Variants in SOX5 observed in about 807,000 individuals in gnomAD.
The protein encoded by SOX5 is SRY-box transcription factor 5.
In SOX5, 9 loss-of-function variants were observed where a neutral mutation model predicts 92.0. The ratio of observed to expected loss-of-function variants is 0.10; its 90% confidence interval spans 0.06 to 0.17. The LOEUF (loss-of-function observed/expected upper bound fraction) is 0.17. Among genes scored for constraint, SOX5 ranks in the 10% least tolerant of loss-of-function variants. SOX5 has a pLI of 1.00. For missense variants in SOX5, 642 were observed against 944.5 expected (o/e 0.68, Z 4.20); for synonymous variants, 344 against 336.3 (o/e 1.02, Z -0.25).
At chr12:24,119,110 T>G (rs1948368318) in intron 4 of SOX5, among the ~76,000 whole-genome samples, 1 of 152,102 alleles carries the variant, frequency 6.6e-6, no homozygotes, top group South Asian at 2.1e-4. Context: ...TAAGTTGGTA[T>G]TTTCTTATTA....
intron 2 of SOX5, among the ~76,000 whole-genome samples, chr12:24,324,012 G>C (rs186733081): frequency 6.6e-6 from 1 of 152,192 alleles, no homozygotes; most frequent in Non-Finnish European, 1.5e-5. Context: ...CAAATTACAA[G>C]GGCAGCTTAG....
chr12:24,103,868 T>G (rs1227611146), intron 4 of SOX5, among the ~76,000 whole-genome samples: 3 of 152,114 alleles, frequency 2.0e-5, no homozygotes, highest in Non-Finnish European at 4.4e-5. Flanking sequence ...GTCTTCTTCC[T>G]GAAAAAAAAT....
chr12:24,246,185 T>G (rs1938656378), intron 3 of SOX5, among the ~76,000 whole-genome samples: 1 of 152,190 alleles, frequency 6.6e-6, no homozygotes, highest in South Asian at 2.1e-4. Context: ...ATAAAATGTC[T>G]TAGTTGTCAC....
intron 4 of SOX5, among the ~76,000 whole-genome samples, chr12:23,972,636 G>A (rs1948473054): frequency 6.6e-6 from 1 of 152,008 alleles, no homozygotes; most frequent in Non-Finnish European, 1.5e-5. Flanking sequence ...TAGGATTACA[G>A]GTATGAGCCA....
chr12:24,331,761 T>C (rs1291162984), intron 2 of SOX5, among the ~76,000 whole-genome samples: 1 of 134,668 alleles, frequency 7.4e-6, no homozygotes, highest in Non-Finnish European at 1.5e-5. Flanking sequence ...GGCACGAGAA[T>C]CCCTTGAGCC....
intron 4 of SOX5, among the ~76,000 whole-genome samples, chr12:24,188,252 GA>G (rs1184555821): frequency 6.6e-6 from 1 of 152,096 alleles, no homozygotes; most frequent in African/African-American, 2.4e-5. Flanking sequence ...AACAAAGGAG[GA>G]AAAGCAAAGT....
chr12:24,077,345 T>C (rs968575355), intron 4 of SOX5, among the ~76,000 whole-genome samples: 16 of 152,112 alleles, frequency 1.1e-4, no homozygotes, highest in African/African-American at 3.4e-4. Flanking sequence ...CTGAAAACCT[T>C]TGGAGACTGG....
At chr12:24,435,563 G>A (rs1481798766) in intron 1 of SOX5, among the ~76,000 whole-genome samples, 2 of 152,140 alleles carry the variant, frequency 1.3e-5, no homozygotes, top group East Asian at 3.8e-4. Context: ...ACAATGTCCT[G>A]CACATAGTTC....
At chr12:23,782,000 A>G (rs1446978039) in intron 3 of SOX5, among the ~76,000 whole-genome samples, 15 of 152,094 alleles carry the variant, frequency 9.9e-5, no homozygotes, top group Admixed American at 9.8e-4. Context: ...AAGACTGGAT[A>G]TACACTTTTT....
At chr12:24,314,767 G>A (rs1595493090) in intron 2 of SOX5, among the ~76,000 whole-genome samples, 1 of 152,082 alleles carries the variant, frequency 6.6e-6, no homozygotes, top group East Asian at 1.9e-4. Context: ...CTTGAACTGC[G>A]ATTTGCATTC....
chr12:24,385,708 T>A (rs563098567), intron 1 of SOX5, among the ~76,000 whole-genome samples: 1 of 151,900 alleles, frequency 6.6e-6, no homozygotes. Context: ...TAGGCTGAGG[T>A]AGGAAGATCA....
intron 3 of SOX5, among the ~76,000 whole-genome samples, chr12:24,259,246 G>A (rs906215296): frequency 2.6e-5 from 4 of 151,666 alleles, no homozygotes; most frequent in East Asian, 2.0e-4. Context: ...GCAAGTGAGC[G>A]AGAGAGAGAG....
At chr12:24,448,967 G>T (rs781777980) in intron 1 of SOX5, among the ~76,000 whole-genome samples, 3 of 152,002 alleles carry the variant, frequency 2.0e-5, no homozygotes, top group Non-Finnish European at 4.4e-5. Context: ...CCACCAGCCT[G>T]TACCTAATTT....
intron 8 of SOX5, among the ~76,000 whole-genome samples, chr12:23,617,215 C>T: frequency 6.6e-6 from 1 of 151,798 alleles, no homozygotes; most frequent in South Asian, 2.1e-4. Context: ...AAATTTTCTG[C>T]CTTCAGAGAA....
At chr12:24,203,323 C>T (rs762118749) in intron 4 of SOX5, among the ~76,000 whole-genome samples, 2 of 152,166 alleles carry the variant, frequency 1.3e-5, no homozygotes, top group Non-Finnish European at 2.9e-5. Context: ...ACTTTTATGA[C>T]ATGTTTCTGG....
chr12:23,749,521 G>C (rs1221218521), intron 4 of SOX5, among the ~76,000 whole-genome samples: 3 of 151,836 alleles, frequency 2.0e-5, no homozygotes. Flanking sequence ...ATAAAATAAT[G>C]AACAAGTAGC....
At chr12:24,012,606 T>C (rs1271338700) in intron 4 of SOX5, among the ~76,000 whole-genome samples, 1 of 152,196 alleles carries the variant, frequency 6.6e-6, no homozygotes, top group Non-Finnish European at 1.5e-5. Context: ...CTAGGCTTTG[T>C]ACTTGTCACC....
chr12:23,922,879 A>C (rs369257113), intron 1 of SOX5, among the ~76,000 whole-genome samples: 1 of 152,188 alleles, frequency 6.6e-6, no homozygotes, highest in Non-Finnish European at 1.5e-5. Flanking sequence ...AACGGGTAGA[A>C]AGAAGATTCT....
chr12:24,501,566 C>T (rs117357758), intron 1 of SOX5, among the ~76,000 whole-genome samples: 2,911 of 152,234 alleles, frequency 0.019, 34 homozygotes, highest in Admixed American at 0.033. Context: ...TGGCTCACAC[C>T]TGTGATTCCA....
Sources: allele counts gnomAD v4.1 joint callset (sites outside exome capture counted in the v4.1 genomes callset), GRCh38; gene constraint gnomAD v4.1.1; transcripts MANE v1.5; gene names NCBI Gene and HGNC (gene_info 2026-07-23, HGNC 2026-07-21).